The following PCCB variants were observed in gnomAD, a reference collection of about 807,000 sequenced individuals.
PCCB encodes propionyl-CoA carboxylase subunit beta, also known as propionyl-CoA carboxylase beta chain, mitochondrial.
Under a neutral mutation model 60.7 loss-of-function variants are expected in PCCB, and 43 were observed. That is an observed-to-expected ratio of 0.71 (90% CI 0.55 to 0.91). PCCB has a LOEUF of 0.91. Among genes scored for constraint, PCCB ranks in the 40% least tolerant of loss-of-function variants. The probability of loss-of-function intolerance (pLI) is 0.00; values close to 1 mark genes in which losing one functional copy is unlikely to be tolerated. For missense variants in PCCB, 766 were observed against 702.8 expected (o/e 1.09, Z -1.02); for synonymous variants, 276 against 255.9 (o/e 1.08, Z -0.75).
rs140224861 is a variant in PCCB at position 136,315,648 on chromosome 3, T to C, written c.967-1293T>C. ...GAGTTTGAGACCAGCCTGCGCAACA[T>C]AGCAAGACCCTGTCTCTACAAAAAA... is the stretch of plus-strand genomic sequence containing the variant. On this transcript the variant is annotated intron_variant, in intron 9 of 14. Transcript: ENST00000251654. 1.7e-3 allele frequency among the ~76,000 whole-genome samples: 252 copies of C among 151,620 alleles called. 2 individuals carry two copies. Among genetic ancestry groups the C allele is most frequent in the African/African-American group, 5.8e-3 (241 of 41,364 alleles).
chr3:136,263,561 C>T (rs1376137603), intron 5 of PCCB, among the ~76,000 whole-genome samples: 2 of 152,094 alleles, frequency 1.3e-5, no homozygotes, highest in Non-Finnish European at 1.5e-5. Context: ...AGTGAGTCAC[C>T]ACGCCTGGCT....
intron 6 of PCCB, among the ~76,000 whole-genome samples, chr3:136,292,971 A>G (rs555992179): frequency 6.6e-6 from 1 of 152,340 alleles, no homozygotes; most frequent in South Asian, 2.1e-4. Context: ...CTAAAAATTA[A>G]AAGCCTATCA....
intron 8 of PCCB, among the ~76,000 whole-genome samples, chr3:136,299,851 C>T (rs968113352): frequency 1.2e-3 from 175 of 148,548 alleles, no homozygotes; most frequent in East Asian, 3.8e-3. Context: ...TATGTATATG[C>T]ATGCATATGT....
chr3:136,309,471 G>A (rs547178379), intron 9 of PCCB, among the ~76,000 whole-genome samples: 5 of 152,194 alleles, frequency 3.3e-5, no homozygotes, highest in African/African-American at 1.2e-4. Context: ...TATGAAGTGA[G>A]AAAGGGAATA....
intron 5 of PCCB, among the ~76,000 whole-genome samples, chr3:136,264,838 G>A (rs1457560215): frequency 7.1e-6 from 1 of 140,480 alleles, no homozygotes; most frequent in African/African-American, 2.6e-5. Flanking sequence ...TTGCGCCACC[G>A]CGCTCTAGCC....
At position 136,315,729 on chromosome 3, in the gene PCCB, G is replaced by A. The variant is rs181507734; in HGVS notation, c.967-1212G>A. Among the ~76,000 whole-genome samples, 28 of 151,916 alleles carry A rather than the reference G, an allele frequency of 1.8e-4. No individual in the cohort carries two copies. The East Asian group carries it at 5.4e-3, about 29-fold the overall frequency. On this transcript the variant is annotated intron_variant, in intron 9 of 14. Transcript: ENST00000251654. The stretch of plus-strand genomic sequence containing the variant: ...TGTAGTCCTAGCTACTTGGGAGGCT[G>A]AGGTGAGAGAATTGCTTGAGCCCTG...
rs1935375887 is a variant in PCCB at position 136,327,695 on chromosome 3, C to T, written c.1361C>T (p.Ala454Val). ...CACCTTTGTGGTGATACCAACTATG[C>T]CTGGCCCACCGCAGAGATTGCAGTC... The part of the protein sequence containing the change: ...SKHLCGDTNY[A>V]WPTAEIAVMG... The change falls in exon 13 of 15, where the codon GCC (alanine) becomes GTC (valine). Residue 454 changes from alanine (A) to valine (V), a missense_variant. Ala to Val is a moderately conservative substitution (Grantham distance 64). Transcript: ENST00000251654. The T allele has an allele frequency of 6.2e-7, 1 of 1,613,866 alleles. No individual in the cohort carries two copies. The highest frequency in any genetic ancestry group is 1.3e-5 in the African/African-American group (1 of 74,912).
At chr3:136,303,085 A>C (rs1934348446) in intron 9 of PCCB, among the ~76,000 whole-genome samples, 1 of 122,554 alleles carries the variant, frequency 8.2e-6, no homozygotes, top group Admixed American at 9.6e-5. Flanking sequence ...ATCGCCAAAA[A>C]TAAGTAAATG....
At chr3:136,268,076 G>GTGTC (rs1304246750) in intron 5 of PCCB, among the ~76,000 whole-genome samples, 10 of 108,838 alleles carry the variant, frequency 9.2e-5, no homozygotes, top group Non-Finnish European at 1.9e-4. Flanking sequence ...GTGTGTGTGT[G>GTGTC]TGTGTGTGTA....
At position 136,255,964 on chromosome 3, in the gene PCCB, G is replaced by C; in HGVS notation, c.292G>C (p.Asp98His). ...ATGTGCAGATTTTGGAATGGCTGCTGATAAGAATAAGGTATTTGTTCAAAT... is the reference window on the plus strand; with the variant it reads ...ATGTGCAGATTTTGGAATGGCTGCTCATAAGAATAAGGTATTTGTTCAAAT... ...HRCADFGMAA[D>H]KNKFPGDSVV... Residue 98 changes from aspartate (D) to histidine (H), a missense_variant, in exon 2 of 15, where the codon GAT (aspartate) becomes CAT (histidine). Physicochemically the swap from Asp to His is moderately conservative, Grantham distance 81. Transcript: ENST00000251654. 1.2e-6 allele frequency: 2 copies of C among 1,614,186 alleles called. No homozygotes were observed. The highest frequency in any genetic ancestry group is 2.2e-5 in the East Asian group (1 of 44,886).
In PCCB at chr3:136,327,267, A is replaced by G. The variant is rs751610521; in HGVS notation, c.1299+12A>G. 62 of 1,596,622 alleles carry G rather than the reference A, an allele frequency of 3.9e-5. No individual in the cohort carries two copies. Among genetic ancestry groups the G allele is most frequent in the Non-Finnish European group, 5.3e-5 (62 of 1,163,966 alleles). ...TCATCACCAGGAAGGTGAGGACCTC[A>G]TGTTGGAGGCCATGACCCTGCTCAC... On this transcript the variant is annotated intron_variant, in intron 12 of 14. Transcript: ENST00000251654.
At position 136,304,620 on chromosome 3, in the gene PCCB, C is replaced by T. The variant is rs1329164372; in HGVS notation, c.966+3509C>T. ...CAGGATAGTCTCGATCTCCCGACCT[C>T]GTGATCTGCCCGCCTTGGCCTCCCA... On this transcript the variant is annotated intron_variant, in intron 9 of 14. Transcript: ENST00000251654. 5.9e-5 allele frequency among the ~76,000 whole-genome samples: 7 copies of T among 119,252 alleles called. 1 individual carries two copies. The highest frequency in any genetic ancestry group is 1.8e-4 in the African/African-American group (7 of 39,422). 78.2% of individuals were successfully genotyped at this position (119,252 alleles called of 152,430 possible).
At chr3:136,258,895 C>G (rs1158440639) in intron 3 of PCCB, among the ~76,000 whole-genome samples, 2 of 151,924 alleles carry the variant, frequency 1.3e-5, no homozygotes, top group African/African-American at 4.8e-5. Flanking sequence ...TTGATTACCC[C>G]CACTGCAGGT....
chr3:136,252,133 T>G (rs1263970128), intron 1 of PCCB, among the ~76,000 whole-genome samples: 1 of 151,032 alleles, frequency 6.6e-6, no homozygotes. Context: ...TCACCCACCT[T>G]GGCGTCCCAA....
chr3:136,287,709 T>A (rs1270064890), intron 6 of PCCB, among the ~76,000 whole-genome samples: 1 of 152,154 alleles, frequency 6.6e-6, no homozygotes, highest in Non-Finnish European at 1.5e-5. Context: ...GTGCTGGGAG[T>A]ATAGGCATGA....
intron 5 of PCCB, among the ~76,000 whole-genome samples, chr3:136,282,395 G>T (rs953165807): frequency 6.6e-6 from 1 of 152,104 alleles, no homozygotes; most frequent in African/African-American, 2.4e-5. Context: ...ATGTCACTCA[G>T]TTTTTTTATG....
At position 136,316,953 on chromosome 3, in the gene PCCB, C is replaced by T. The variant is rs377660729; in HGVS notation, c.979C>T (p.Arg327Cys). 29 of 1,613,812 alleles carry T rather than the reference C, an allele frequency of 1.8e-5. No homozygotes were observed. In the East Asian group the frequency reaches 2.7e-4, roughly 15 times the overall value. ...VDIIHSVVDE[R>C]EFFEIMPNYA... ...TTTATTCCTGCAGGTTGTTGATGAGCGTGAATTTTTTGAGATCATGCCCAA... is the reference window on the plus strand; with the variant it reads ...TTTATTCCTGCAGGTTGTTGATGAGTGTGAATTTTTTGAGATCATGCCCAA... Residue 327 changes from arginine to cysteine, a missense_variant, in exon 10 of 15, where the codon CGT becomes TGT. Transcript: ENST00000251654.
chr3:136,309,801 C>CA (rs202216438), intron 9 of PCCB, among the ~76,000 whole-genome samples: 2,463 of 128,234 alleles, frequency 0.019, 30 homozygotes, highest in African/African-American at 0.052. Context: ...GACCCTGTCT[C>CA]AAAAAAAAAA....
chr3:136,280,601 C>T (rs1942450479), intron 5 of PCCB, among the ~76,000 whole-genome samples: 1 of 152,238 alleles, frequency 6.6e-6, no homozygotes, highest in African/African-American at 2.4e-5. Context: ...CTGCCTTGGT[C>T]TCCCAAAGAG....
Sources: gnomAD v4.1 joint callset for allele counts (sites outside exome capture counted in the v4.1 genomes callset) on GRCh38, gnomAD v4.1.1 for gene constraint, MANE v1.5 for transcripts, NCBI Gene and HGNC (gene_info 2026-07-23, HGNC 2026-07-21) for gene names.